The following ATP2B2 variants were observed in gnomAD, a reference collection of about 807,000 sequenced individuals.
ATP2B2 encodes the protein ATPase plasma membrane Ca2+ transporting 2.
ATP2B2 carries 15 observed loss-of-function variants against 120.0 expected under a neutral mutation model. That is an observed-to-expected ratio of 0.12 (90% CI 0.08 to 0.19). The LOEUF (loss-of-function observed/expected upper bound fraction) is 0.19, where lower values mean the gene tolerates loss of function less well. Ranked by LOEUF, ATP2B2 falls within the 10% of genes least tolerant of loss-of-function variation. The probability of loss-of-function intolerance (pLI) is 1.00; values close to 1 mark genes in which losing one functional copy is unlikely to be tolerated. For missense variants in ATP2B2, 1,045 were observed against 1,719.8 expected, an observed-to-expected ratio of 0.61 and a Z score of 6.94; for synonymous variants, 694 against 700.3, an observed-to-expected ratio of 0.99 and a Z score of 0.14.
intron 3 of ATP2B2, among the ~76,000 whole-genome samples, chr3:10,528,613 C>T (rs562244844): frequency 7.9e-5 from 12 of 152,294 alleles, no homozygotes; most frequent in Admixed American, 5.9e-4. Flanking sequence ...CGTGTGCCAA[C>T]GTGTGTTTTA....
chr3:10,629,948 T>C (rs2069816407), intron 1 of ATP2B2, among the ~76,000 whole-genome samples: 1 of 152,174 alleles, frequency 6.6e-6, no homozygotes, highest in African/African-American at 2.4e-5. Context: ...CCCAAATCTG[T>C]GACAAAGACT....
chr3:10,674,805 AC>A (rs2071202403), intron 1 of ATP2B2, among the ~76,000 whole-genome samples: 2 of 152,166 alleles, frequency 1.3e-5, no homozygotes, highest in South Asian at 4.1e-4. Context: ...GTCCCACACA[AC>A]CACAACTCAC....
chr3:10,410,759 A>G lies in ATP2B2; in HGVS notation c.256T>C (p.Phe86Leu), dbSNP rs746939018. 4 of 1,614,202 alleles carry G rather than the reference A, an allele frequency of 2.5e-6. No homozygotes were observed. In the South Asian group the frequency reaches 4.4e-5, roughly 18 times the overall value. The change falls in exon 3 of 23, where the codon TTT becomes CTT. Residue 86 changes from phenylalanine (F) to leucine (L), a missense_variant. Phe to Leu is a conservative substitution (Grantham distance 22, BLOSUM62 0). Coordinates refer to ENST00000360273, the MANE Select transcript of ATP2B2 (RefSeq NM_001001331.4). ...GTTTTTGGCTTCTTTGGAGGTATAA[A>G]GTTTTGCCCAAAAATTTGCTTTCTC... ...EKRKQIFGQNFIPPKKPKTFL... is the reference protein window; with the variant it reads ...EKRKQIFGQNLIPPKKPKTFL...
intron 1 of ATP2B2, among the ~76,000 whole-genome samples, chr3:10,502,555 T>C (rs1190426255): frequency 6.6e-6 from 1 of 152,180 alleles, no homozygotes; most frequent in Non-Finnish European, 1.5e-5. Context: ...CTTGGACAAG[T>C]CCCTGTGCCT....
At chr3:10,371,486 C>G (rs145516850) in intron 12 of ATP2B2, among the ~76,000 whole-genome samples, 1 of 152,202 alleles carries the variant, frequency 6.6e-6, no homozygotes, top group Non-Finnish European at 1.5e-5. Flanking sequence ...AGGTTTGTTT[C>G]AAGCCACTAA....
intron 1 of ATP2B2, among the ~76,000 whole-genome samples, chr3:10,687,222 T>G (rs1197553571): frequency 1.3e-5 from 2 of 152,156 alleles, no homozygotes; most frequent in Non-Finnish European, 2.9e-5. Context: ...TGCACCCCAG[T>G]TTCCTTATAC....
chr3:10,665,653 C>T (rs2070910559), intron 1 of ATP2B2, among the ~76,000 whole-genome samples: 1 of 152,214 alleles, frequency 6.6e-6, no homozygotes, highest in Non-Finnish European at 1.5e-5. Flanking sequence ...ACAGCTGAAA[C>T]TGCATTTGAG....
upstream of ATP2B2, among the ~76,000 whole-genome samples, chr3:10,508,213 G>A (rs142029534): frequency 0.019 from 2,857 of 152,290 alleles, 37 homozygotes; most frequent in Admixed American, 0.035. Context: ...CTGAGGCAGT[G>A]CAAATATTGA....
At chr3:10,560,096 A>C (rs1471206851) in intron 2 of ATP2B2, among the ~76,000 whole-genome samples, 1 of 152,204 alleles carries the variant, frequency 6.6e-6, no homozygotes, top group Non-Finnish European at 1.5e-5. Context: ...CAGGCAATTA[A>C]ATTTTCACAA....
intron 1 of ATP2B2, among the ~76,000 whole-genome samples, chr3:10,705,935 C>T (rs546842608): frequency 1.3e-5 from 2 of 152,110 alleles, no homozygotes; most frequent in South Asian, 2.1e-4. Flanking sequence ...ACTATATAGC[C>T]GGCCTACGTA....
At chr3:10,391,905 G>A (rs1179892886) in intron 5 of ATP2B2, among the ~76,000 whole-genome samples, 1 of 152,170 alleles carries the variant, frequency 6.6e-6, no homozygotes. Flanking sequence ...TTTGGAGTGT[G>A]CACAGTTCAC....
At chr3:10,377,244 T>A (rs1269503431) in intron 10 of ATP2B2, among the ~76,000 whole-genome samples, 2 of 151,920 alleles carry the variant, frequency 1.3e-5, no homozygotes, top group Non-Finnish European at 2.9e-5. Flanking sequence ...ATAGAGGAAA[T>A]CCCTGGGCCC....
rs572714364 is a variant in ATP2B2, at chr3:10,642,740, G to T, written c.-459-22779C>A. ...CAATGCCCGTGGATAATCTGCTTTG[G>T]GTCCCTGCCATGGTGGGCTGGATGT... On this transcript the variant is annotated intron_variant, in intron 1 of 21. Coordinates refer to the ATP2B2 transcript ENST00000646379. 1.3e-3 allele frequency among the ~76,000 whole-genome samples: 201 copies of T among 151,840 alleles called. 1 individual carries two copies. Among genetic ancestry groups the T allele is most frequent in the African/African-American group, 4.6e-3 (189 of 41,402 alleles).
At chr3:10,576,335 C>G (rs761134298) in intron 2 of ATP2B2, among the ~76,000 whole-genome samples, 24 of 152,332 alleles carry the variant, frequency 1.6e-4, no homozygotes, top group Non-Finnish European at 2.8e-4. Context: ...GCTGCTTAGG[C>G]CGAGTGTACG....
chr3:10,485,854 G>T (rs1279225009), intron 1 of ATP2B2, among the ~76,000 whole-genome samples: 3 of 152,150 alleles, frequency 2.0e-5, no homozygotes, highest in Non-Finnish European at 2.9e-5. Flanking sequence ...AGTCAGGAAG[G>T]GTTGCTCTGG....
intron 1 of ATP2B2, among the ~76,000 whole-genome samples, chr3:10,490,775 C>T (rs2065905112): frequency 6.6e-6 from 1 of 152,178 alleles, no homozygotes; most frequent in Non-Finnish European, 1.5e-5. Flanking sequence ...ATGTAGCTGA[C>T]CTGGGCCTCC....
chr3:10,584,207 G>A (rs1198349389), intron 2 of ATP2B2, among the ~76,000 whole-genome samples: 1 of 152,206 alleles, frequency 6.6e-6, no homozygotes, highest in Non-Finnish European at 1.5e-5. Context: ...CTCAGGGAAG[G>A]CAAGAACACA....
intron 3 of ATP2B2, among the ~76,000 whole-genome samples, chr3:10,533,802 C>T (rs2067256574): frequency 6.6e-6 from 1 of 152,190 alleles, no homozygotes; most frequent in Admixed American, 6.5e-5. Context: ...TGGGGCCTTC[C>T]TCCTCCACAG....
chr3:10,410,570 C>T lies in ATP2B2; in HGVS notation c.397+48G>A, dbSNP rs201506321. The T allele has an allele frequency of 8.8e-5, 136 of 1,539,410 alleles. No homozygotes were observed. The East Asian group carries it at 1.2e-3, about 13-fold the overall frequency. On this transcript the variant is annotated intron_variant, in intron 3 of 22. Transcript: ENST00000360273. Reference sequence around the variant, plus strand: ...CCGTGAGTGCCCCCCAGCGTGGATGCGGTGGCCAGGTGTGCGGGGCGGTTC... The same window carrying T: ...CCGTGAGTGCCCCCCAGCGTGGATGTGGTGGCCAGGTGTGCGGGGCGGTTC...
Sources: allele counts gnomAD v4.1 joint callset (sites outside exome capture counted in the v4.1 genomes callset), GRCh38; gene constraint gnomAD v4.1.1; transcripts MANE v1.5; gene names NCBI Gene and HGNC (gene_info 2026-07-23, HGNC 2026-07-21).